The following PAMR1 variants were observed in gnomAD, a reference collection of about 807,000 sequenced individuals.
PAMR1 encodes inactive serine protease PAMR1.
In PAMR1, 88 loss-of-function variants were observed where a neutral mutation model predicts 81.8. The ratio of observed to expected loss-of-function variants is 1.08; its 90% CI spans 0.91 to 1.28. PAMR1 has a LOEUF of 1.28. PAMR1 is among the 50% of genes most tolerant of loss of function. PAMR1 has a pLI of 0.00. For synonymous variants in PAMR1, 336 were observed against 345.3 expected, an observed-to-expected ratio of 0.97 and a Z score of 0.30; for missense variants, 935 against 919.7, an observed-to-expected ratio of 1.02 and a Z score of -0.21.
chr11:35,461,610 T>TTA (rs1555035076), intron 6 of PAMR1, among the ~76,000 whole-genome samples: 1 of 146,882 alleles, frequency 6.8e-6, no homozygotes. Context: ...TCCCCAAAAT[T>TTA]AAAAAAAAAA....
chr11:35,490,169 C>A (rs542978838), intron 3 of PAMR1, among the ~76,000 whole-genome samples: 9 of 152,354 alleles, frequency 5.9e-5, no homozygotes, highest in African/African-American at 1.9e-4. Context: ...TTATTCACTA[C>A]CATGAGAACA....
In PAMR1 at chr11:35,470,604, T is replaced by C. The variant is rs757021364; in HGVS notation, c.709A>G (p.Thr237Ala). 1 of 1,613,428 alleles carries C rather than the reference T, an allele frequency of 6.2e-7. No homozygotes were observed. The stretch of plus-strand genomic sequence containing the variant: ...CATTTGTCTCCTTGGCCTTTACCTG[T>C]GATCTCCTCATAAATGGCATGGAAA... Reference protein sequence around the residue: ...DGFHAIYEEITACSSSPCFHD... With the variant: ...DGFHAIYEEIAACSSSPCFHD... The change falls in exon 5 of 11, where the codon ACA becomes GCA. Residue 237 changes from threonine (T) to alanine (A), a missense_variant. By Grantham distance (58) the Thr-to-Ala change is moderately conservative (BLOSUM62 0). Coordinates refer to ENST00000619888, the MANE Select transcript of PAMR1 (RefSeq NM_001001991.3).
At position 35,470,678 on chromosome 11, in the gene PAMR1, G is replaced by A. The variant is rs778036197; in HGVS notation, c.635C>T (p.Ser212Phe). ...GGAGTGGAAGAGGACGTGGAGTGAGGATCCTATGCTCTGGATAGGAGCTGG... is the reference window on the plus strand; with the variant it reads ...GGAGTGGAAGAGGACGTGGAGTGAGAATCCTATGCTCTGGATAGGAGCTGG... Reference protein sequence around the residue: ...ERPAPIQSIGSSLHVLFHSDG... With the variant: ...ERPAPIQSIGFSLHVLFHSDG... Residue 212 changes from serine to phenylalanine, a missense_variant, in exon 5 of 11, where the codon TCC (serine) becomes TTC (phenylalanine). Physicochemically the swap from Ser to Phe is radical, Grantham distance 155. Coordinates refer to ENST00000619888, the MANE Select transcript of PAMR1 (RefSeq NM_001001991.3). 2 of 1,614,044 alleles carry A rather than the reference G, an allele frequency of 1.2e-6. No individual in the cohort carries two copies. The highest frequency in any genetic ancestry group is 1.7e-6 in the Non-Finnish European group (2 of 1,180,036).
At chr11:35,512,438 T>G (rs993225883) in intron 1 of PAMR1, among the ~76,000 whole-genome samples, 1 of 152,134 alleles carries the variant, frequency 6.6e-6, no homozygotes, top group Non-Finnish European at 1.5e-5. Flanking sequence ...GAACTCAGCT[T>G]TTTGGGGCCA....
At chr11:35,527,613 T>C (rs1851413321), upstream of PAMR1, among the ~76,000 whole-genome samples, 1 of 152,152 alleles carries the variant, frequency 6.6e-6, no homozygotes, top group Admixed American at 6.5e-5. Flanking sequence ...GGCCAACCAG[T>C]CCTGGTCCTT....
chr11:35,471,804 A>T (rs1164543040), intron 4 of PAMR1, among the ~76,000 whole-genome samples: 2 of 152,218 alleles, frequency 1.3e-5, no homozygotes, highest in Non-Finnish European at 2.9e-5. Context: ...GCATTTTTCC[A>T]GGATTCCCAA....
intron 5 of PAMR1, among the ~76,000 whole-genome samples, chr11:35,469,428 C>T (rs1856810529): frequency 6.6e-6 from 1 of 152,200 alleles, no homozygotes; most frequent in Non-Finnish European, 1.5e-5. Flanking sequence ...TGCTGACTGT[C>T]CTAAGCCCCC....
Position 35,525,566 on chromosome 11 carries a change from G to A in PAMR1, c.20C>T (p.Thr7Met). Reference protein sequence around the residue: MELGCWTQLGLTFLQLL... With the variant: MELGCWMQLGLTFLQLL... ...CTGAAGAAAAGTGAGCCCCAACTGC[G>A]TCCAGCAACCCAGCTCCATCCTTGC... Residue 7 changes from threonine to methionine, a missense_variant, in exon 1 of 11, where the codon ACG (threonine) becomes ATG (methionine). Transcript: ENST00000619888. 1 of 1,613,968 alleles carries A rather than the reference G, an allele frequency of 6.2e-7. No individual in the cohort carries two copies. The highest frequency in any genetic ancestry group is 2.2e-5 in the East Asian group (1 of 44,856).
intron 3 of PAMR1, among the ~76,000 whole-genome samples, chr11:35,475,553 A>C (rs1850270377): frequency 6.6e-6 from 1 of 152,224 alleles, no homozygotes; most frequent in Non-Finnish European, 1.5e-5. Context: ...TCTAGTGTTA[A>C]GATAAGCACA....
At chr11:35,520,447 C>T (rs1473403260) in intron 1 of PAMR1, among the ~76,000 whole-genome samples, 1 of 152,148 alleles carries the variant, frequency 6.6e-6, no homozygotes, top group East Asian at 1.9e-4. Context: ...AAAGCTCTCG[C>T]CCAGGTGTTG....
chr11:35,440,944 T>A (rs570840627), intron 7 of PAMR1, among the ~76,000 whole-genome samples: 1 of 152,316 alleles, frequency 6.6e-6, no homozygotes, highest in East Asian at 1.9e-4. Flanking sequence ...GGAATGCTGA[T>A]CTCTCCTTTT....
chr11:35,474,788 T>C, intron 3 of PAMR1, 44 bp from the exon 4 acceptor site: 1 of 1,336,772 alleles, frequency 7.5e-7, no homozygotes, highest in Non-Finnish European at 1.1e-6. Flanking sequence ...TGGAGGTCAA[T>C]AGGAAAGAGA....
intron 1 of PAMR1, among the ~76,000 whole-genome samples, chr11:35,504,961 C>G (rs546065404): frequency 1.3e-4 from 19 of 151,690 alleles, no homozygotes; most frequent in African/African-American, 4.3e-4. Flanking sequence ...ATTTGAAGTC[C>G]TACCACTTTT....
At chr11:35,493,960 G>C in intron 2 of PAMR1, 136 bp downstream of exon 2, 1 of 686,790 alleles carries the variant, frequency 1.5e-6, no homozygotes, top group Non-Finnish European at 2.6e-6. Flanking sequence ...AGAATGGGCT[G>C]AATTGTGTCA....
intron 4 of PAMR1, among the ~76,000 whole-genome samples, chr11:35,472,845 A>T (rs556918900): frequency 6.6e-6 from 1 of 152,350 alleles, no homozygotes; most frequent in East Asian, 1.9e-4. Flanking sequence ...GCAGCCTGCG[A>T]TAGATCTTGT....
chr11:35,450,565 T>C (rs1307358189), intron 6 of PAMR1, among the ~76,000 whole-genome samples: 2 of 152,222 alleles, frequency 1.3e-5, no homozygotes, highest in Non-Finnish European at 2.9e-5. Context: ...GTTGCTTCAC[T>C]GATGGTGGTA....
Position 35,432,172 on chromosome 11 carries a change from C to G in PAMR1, c.*184G>C. On this transcript the variant is annotated 3_prime_UTR_variant, in exon 11 of 11. Coordinates refer to ENST00000619888, the MANE Select transcript of PAMR1 (RefSeq NM_001001991.3). ...CAATTGGCTGTCCTAGTAGTGGACG[C>G]GGCATCAGCCTACCAGCAATGGAGG... 1.7e-6 allele frequency: 1 copy of G among 604,872 alleles called. No individual in the cohort carries two copies. The highest frequency in any genetic ancestry group is 2.9e-6 in the Non-Finnish European group (1 of 342,166). The allele number at this position is 604,872 out of a possible 1,614,324, so 37.5% of individuals were successfully genotyped here.
chr11:35,503,399 A>T (rs1451128931), intron 1 of PAMR1, among the ~76,000 whole-genome samples: 1 of 151,320 alleles, frequency 6.6e-6, no homozygotes, highest in Non-Finnish European at 1.5e-5. Flanking sequence ...TGGTATTTTG[A>T]TTAAGAGTTG....
At chr11:35,444,452 C>A (rs1281309044) in intron 6 of PAMR1, among the ~76,000 whole-genome samples, 1 of 152,112 alleles carries the variant, frequency 6.6e-6, no homozygotes, top group East Asian at 1.9e-4. Flanking sequence ...CCTAGATTTT[C>A]TTCTAGGCTT....
Sources: allele counts gnomAD v4.1 joint callset (sites outside exome capture counted in the v4.1 genomes callset), GRCh38; gene constraint gnomAD v4.1.1; transcripts MANE v1.5; gene names NCBI Gene and HGNC (gene_info 2026-07-23, HGNC 2026-07-21).